USP5: variants seen among roughly 807,000 people sequenced by gnomAD.
USP5 encodes ubiquitin specific peptidase 5, also known as ubiquitin carboxyl-terminal hydrolase 5.
In USP5, 24 loss-of-function variants were observed where a neutral mutation model predicts 102.5. The observed-to-expected ratio is 0.23, with a 90% CI of 0.17 to 0.33. The LOEUF (loss-of-function observed/expected upper bound fraction) is 0.33, where lower values mean the gene tolerates loss of function less well. USP5 is among the 10% of genes least tolerant of loss of function. USP5 has a pLI of 1.00. For synonymous variants in USP5, 460 were observed against 434.8 expected, an observed-to-expected ratio of 1.06 and a Z score of -0.72; for missense variants, 753 against 1,122.1, an observed-to-expected ratio of 0.67 and a Z score of 4.70.
chr12:6,859,662 T>C (rs1328336135), intron 9 of USP5, 121 bp downstream of exon 9: 3 of 1,028,476 alleles, frequency 2.9e-6, no homozygotes, highest in Non-Finnish European at 4.5e-6. Context: ...TTTGTTTTGT[T>C]TTGTTTTTTG....
intron 8 of USP5, 51 bp from the exon 9 acceptor site, chr12:6,859,419 C>T (rs781912596): frequency 6.3e-7 from 1 of 1,582,688 alleles, no homozygotes; most frequent in South Asian, 1.1e-5. Flanking sequence ...CTTCCCTTTT[C>T]CTCGGCGCTC....
chr12:6,857,012 G>C, intron 6 of USP5, 121 bp downstream of exon 6: 1 of 1,320,366 alleles, frequency 7.6e-7, no homozygotes, highest in Non-Finnish European at 1.0e-6. Flanking sequence ...GTAGTCAGGT[G>C]CGGTGGCTCA....
chr12:6,853,914 A>T (rs1019545969), intron 1 of USP5, among the ~76,000 whole-genome samples: 7 of 152,226 alleles, frequency 4.6e-5, no homozygotes, highest in African/African-American at 1.7e-4. Context: ...TAGACAGTGC[A>T]CTATTTTTCA....
In USP5 at chr12:6,861,021, C is replaced by T; in HGVS notation, c.1413C>T (p.Cys471=). 1 of 1,614,228 alleles carries T rather than the reference C, an allele frequency of 6.2e-7. No individual in the cohort carries two copies. The highest frequency in any genetic ancestry group is 8.5e-7 in the Non-Finnish European group (1 of 1,180,032). The part of the protein sequence containing the change: ...FRFLVEEKIK[C]LATEKVKYTQ... ...TCTTGGTGGAGGAAAAGATCAAGTG[C>T]CTGGCCACAGAGAAGGTGAAGTACA... Residue 471 remains cysteine, a synonymous_variant, in exon 12 of 20, where the codon TGC becomes TGT. Transcript: ENST00000229268. This position sits in a 1 kb window ranked among gnomAD's most constrained non-coding sequence, Gnocchi z 4.9.
At chr12:6,865,119 A>G (rs367680498) in intron 18 of USP5, 45 bp from the exon 19 acceptor site, 2 of 1,529,172 alleles carry the variant, frequency 1.3e-6, no homozygotes, top group Non-Finnish European at 1.8e-6. Context: ...TCACTCAAGC[A>G]TTCCTCTTCT....
In USP5 at chr12:6,863,008, C is replaced by T. The variant is rs1944321994; in HGVS notation, c.1763-178C>T. 2 of 602,000 alleles carry T rather than the reference C, an allele frequency of 3.3e-6. No homozygotes were observed. The highest frequency in any genetic ancestry group is 7.1e-5 in the Admixed American group (2 of 28,200). 37.3% of individuals were successfully genotyped at this position (602,000 alleles called of 1,614,324 possible). On this transcript the variant is annotated intron_variant, in intron 14 of 19. Transcript: ENST00000229268. This position sits in a 1 kb window ranked among gnomAD's most constrained non-coding sequence, Gnocchi z 4.7. ...GTAGATCTAGGACCAGCATCCTGGC[C>T]TCCCAACTCCCAGGCTTAGTATTAT... is the stretch of plus-strand genomic sequence containing the variant.
intron 1 of USP5, among the ~76,000 whole-genome samples, chr12:6,852,540 CT>C (rs1473138391): frequency 3.3e-5 from 5 of 152,296 alleles, no homozygotes; most frequent in African/African-American, 7.2e-5. Context: ...TAGTCACTCA[CT>C]GCCTTCGTTG....
In USP5 at chr12:6,860,015, C is replaced by T; in HGVS notation, c.1131-136C>T. The T allele has an allele frequency of 1.1e-6, 1 of 926,428 alleles. No individual in the cohort carries two copies. The highest frequency in any genetic ancestry group is 1.7e-6 in the Non-Finnish European group (1 of 604,062). 57.4% of individuals were successfully genotyped at this position (926,428 alleles called of 1,614,324 possible). On this transcript the variant is annotated intron_variant, in intron 9 of 19. Transcript: ENST00000229268. This position sits in a 1 kb window ranked among gnomAD's most constrained non-coding sequence, Gnocchi z 5.5. ...TTCTGGACGTGTTGTCTGTCTTGAG[C>T]TGGGTTCCTGTAGAATCTAAGGTTT...
Position 6,859,610 on chromosome 12 carries a change from C to T in USP5, c.1130+69C>T, listed in dbSNP as rs74505435. 3,291 of 1,457,522 alleles carry T rather than the reference C, an allele frequency of 2.3e-3. 77 individuals carry two copies. The African/African-American group carries it at 0.041, about 18-fold the overall frequency. The allele number at this position is 1,457,522 out of a possible 1,614,324, so 90.3% of individuals were successfully genotyped here. ...GCCGTATACCTTCCTCCTCCCTGAC[C>T]GCCTGGGGGGCACAGCACTTTAACC... On this transcript the variant is annotated intron_variant, in intron 9 of 19. Transcript: ENST00000229268.
Position 6,864,162 on chromosome 12 carries a change from C to A in USP5, c.2211C>A (p.Ser737=). The A allele has an allele frequency of 6.2e-7, 1 of 1,613,256 alleles. No individual in the cohort carries two copies. Among genetic ancestry groups the A allele is most frequent in the South Asian group, 1.1e-5 (1 of 90,974 alleles). ...CCACCATTGTCTCCATGGGCTTCTC[C>A]CGGGACCAGGCCTTGAAAGCGCTGC... ...CVTTIVSMGF[S]RDQALKALRA... is the part of the protein sequence containing the mutation. Residue 737 remains serine, a synonymous_variant, in exon 17 of 20, where the codon TCC becomes TCA. Coordinates refer to ENST00000229268, the MANE Select transcript of USP5 (RefSeq NM_001098536.2). The surrounding 1 kb of genome is among the most constrained non-coding windows in gnomAD (Gnocchi z 4.8).
At chr12:6,857,772 G>A in intron 7 of USP5, 49 bp downstream of exon 7, 1 of 1,594,868 alleles carries the variant, frequency 6.3e-7, no homozygotes, top group Middle Eastern at 1.7e-4. Context: ...CCCCTGTGAG[G>A]GCCCTTCCTC....
Position 6,863,507 on chromosome 12 carries a change from A to C in USP5, c.1954+130A>C, listed in dbSNP as rs1416695592. ...AAATTTCCTCTGCCCTCTTTGATTG[A>C]CATGGGGCCTCCCCAGCGCACTCCT... On this transcript the variant is annotated intron_variant, in intron 15 of 19. Transcript: ENST00000229268. This position sits in a 1 kb window ranked among gnomAD's most constrained non-coding sequence, Gnocchi z 4.7. The C allele has an allele frequency of 2.5e-6, 3 of 1,194,784 alleles. No homozygotes were observed. The highest frequency in any genetic ancestry group is 3.5e-6 in the Non-Finnish European group (3 of 851,848). 74.0% of individuals were successfully genotyped at this position (1,194,784 alleles called of 1,614,324 possible). A position where few individuals can be genotyped will look rare whatever the true frequency, so the allele number is the denominator to read the frequency against.
Position 6,858,630 on chromosome 12 carries a change from C to G in USP5, c.1058+13C>G, listed in dbSNP as rs1262278095. On this transcript the variant is annotated intron_variant, in intron 8 of 19. Coordinates refer to ENST00000229268, the MANE Select transcript of USP5 (RefSeq NM_001098536.2). The surrounding 1 kb of genome is among the most constrained non-coding windows in gnomAD (Gnocchi z 4.2). ...ACTTCCAGAGGAAGTGAGTAGTGCC[C>G]TCTCCTTCCCCAGGCCCCCTCCTGG... is the stretch of plus-strand genomic sequence containing the variant. 1 of 1,591,380 alleles carries G rather than the reference C, an allele frequency of 6.3e-7. No individual in the cohort carries two copies. Among genetic ancestry groups the G allele is most frequent in the Admixed American group, 1.7e-5 (1 of 59,582 alleles).
chr12:6,861,133 G>A lies in USP5; in HGVS notation c.1498+27G>A. On this transcript the variant is annotated intron_variant, in intron 12 of 19. Transcript: ENST00000229268. The surrounding 1 kb of genome is among the most constrained non-coding windows in gnomAD (Gnocchi z 4.9). ...TAGGCTGCTCCATCAGCAAGGCCGT[G>A]GCACGGTGGGAGGCTAAGGTCTAGG... 6.2e-7 allele frequency: 1 copy of A among 1,612,964 alleles called. No individual in the cohort carries two copies. Among genetic ancestry groups the A allele is most frequent in the East Asian group, 2.2e-5 (1 of 44,850 alleles).
rs1555128220 is a variant in USP5, at chr12:6,856,188, A to T, written c.438+38A>T. ...CCTATGCTACCCAAGATTCTAGAGC[A>T]AGATGGGCCAGGGTAGTGGTGTCTT... On this transcript the variant is annotated intron_variant, in intron 4 of 19. Coordinates refer to ENST00000229268, the MANE Select transcript of USP5 (RefSeq NM_001098536.2). This position sits in a 1 kb window ranked among gnomAD's most constrained non-coding sequence, Gnocchi z 5.6. 6.2e-7 allele frequency: 1 copy of T among 1,613,292 alleles called. No individual in the cohort carries two copies. Among genetic ancestry groups the T allele is most frequent in the Non-Finnish European group, 8.5e-7 (1 of 1,179,412 alleles).
Position 6,860,643 on chromosome 12 carries a change from C to A in USP5, c.1344+152C>A. 1 of 1,358,578 alleles carries A rather than the reference C, an allele frequency of 7.4e-7. No homozygotes were observed. Among genetic ancestry groups the A allele is most frequent in the Non-Finnish European group, 1.0e-6 (1 of 996,854 alleles). The allele number at this position is 1,358,578 out of a possible 1,614,324, so 84.2% of individuals were successfully genotyped here. Reference sequence around the variant, plus strand: ...GAACAGTGCTTGCACCTGAGGAGGACAGTGAAGGTGATGATCCCTACCCTT... The same window carrying A: ...GAACAGTGCTTGCACCTGAGGAGGAAAGTGAAGGTGATGATCCCTACCCTT... On this transcript the variant is annotated intron_variant, in intron 11 of 19. Transcript: ENST00000229268. The surrounding 1 kb of genome is among the most constrained non-coding windows in gnomAD (Gnocchi z 5.5).
Position 6,862,484 on chromosome 12 carries a change from C to T in USP5, c.1688C>T (p.Ala563Val). ...CTCTTCCCTAGGACCACACGATTTG[C>T]CTCATTCCCTGACTACCTGGTCATC... ...KSVAVKTTRF[A>V]SFPDYLVIQI... The change falls in exon 14 of 20, where the codon GCC (alanine) becomes GTC (valine). Residue 563 changes from alanine to valine, a missense_variant. Physicochemically the swap from Ala to Val is moderately conservative, Grantham distance 64 (BLOSUM62 0). This residue lies in a region of USP5 where 527 missense variants were observed against 816.5 expected (regional missense o/e 0.65). Transcript: ENST00000229268. 6.2e-7 allele frequency: 1 copy of T among 1,614,084 alleles called. No individual in the cohort carries two copies. Among genetic ancestry groups the T allele is most frequent in the Non-Finnish European group, 8.5e-7 (1 of 1,179,984 alleles).
chr12:6,863,070 C>CTT lies in USP5; in HGVS notation c.1763-113_1763-112dup. Reference sequence around the variant, plus strand: ...TGGGACCCCTAAGATGGGTGCCGTGCTTTTAGCAGCTCCTCTTTACAGAGC... The same window carrying CTT: ...TGGGACCCCTAAGATGGGTGCCGTGCTTTTTTAGCAGCTCCTCTTTACAGAGC... On this transcript the variant is annotated intron_variant, in intron 14 of 19. Transcript: ENST00000229268. This position sits in a 1 kb window ranked among gnomAD's most constrained non-coding sequence, Gnocchi z 4.7. 2.8e-6 allele frequency: 3 copies of CTT among 1,062,512 alleles called. No individual in the cohort carries two copies. The South Asian group carries it at 5.0e-5, about 18-fold the overall frequency. 65.8% of individuals were successfully genotyped at this position (1,062,512 alleles called of 1,614,324 possible). A position where few individuals can be genotyped will look rare whatever the true frequency, so the allele number is the denominator to read the frequency against.
In USP5 at chr12:6,855,974, G is replaced by A; in HGVS notation, c.305-43G>A. The A allele has an allele frequency of 6.2e-7, 1 of 1,612,700 alleles. No homozygotes were observed. Among genetic ancestry groups the A allele is most frequent in the Non-Finnish European group, 8.5e-7 (1 of 1,178,882 alleles). On this transcript the variant is annotated intron_variant, in intron 3 of 19. Coordinates refer to ENST00000229268, the MANE Select transcript of USP5 (RefSeq NM_001098536.2). This position sits in a 1 kb window ranked among gnomAD's most constrained non-coding sequence, Gnocchi z 4.6. Reference sequence around the variant, plus strand: ...TGGCTCGGAGGAGGGACATTGACCTGTTGTCATTGCTCTACTCTCCCTCTT... The same window carrying A: ...TGGCTCGGAGGAGGGACATTGACCTATTGTCATTGCTCTACTCTCCCTCTT...
Sources: gnomAD v4.1 joint callset for allele counts (sites outside exome capture counted in the v4.1 genomes callset) on GRCh38, gnomAD v4.1.1 for gene constraint, gnomAD v4.1.1 regional missense constraint, Gnocchi (gnomAD v3.1) non-coding constraint, MANE v1.5 for transcripts, NCBI Gene and HGNC (gene_info 2026-07-23, HGNC 2026-07-21) for gene names.